The following BMPER variants were observed in gnomAD, a reference collection of about 807,000 sequenced individuals.
BMPER encodes BMP binding endothelial regulator.
In BMPER, 45 loss-of-function variants were observed where a neutral mutation model predicts 87.3. The ratio of observed to expected loss-of-function variants is 0.52; its 90% CI spans 0.41 to 0.66. BMPER has a LOEUF of 0.66. Ranked by LOEUF, BMPER falls within the 30% of genes least tolerant of loss-of-function variation. The pLI, the probability that BMPER is intolerant of heterozygous loss-of-function variation, is 0.00. For synonymous variants in BMPER, 326 were observed against 316.2 expected (o/e 1.03, Z -0.33); for missense variants, 784 against 867.5 (o/e 0.90, Z 1.21).
chr7:34,127,897 C>A (rs1790446573), intron 13 of BMPER, among the ~76,000 whole-genome samples: 1 of 152,180 alleles, frequency 6.6e-6, no homozygotes. Flanking sequence ...TTCTTTTCTC[C>A]ACGTCTTCCA....
At chr7:33,978,024 C>T (rs1283828519) in intron 6 of BMPER, among the ~76,000 whole-genome samples, 1 of 152,122 alleles carries the variant, frequency 6.6e-6, no homozygotes, top group Non-Finnish European at 1.5e-5. Flanking sequence ...GTCTGAACGT[C>T]CCCCAAAATT....
intron 11 of BMPER, among the ~76,000 whole-genome samples, chr7:34,072,645 C>A (rs571218002): frequency 6.6e-6 from 1 of 152,230 alleles, no homozygotes; most frequent in African/African-American, 2.4e-5. Context: ...TGATTAGCAA[C>A]CTTAATTCCA....
intron 6 of BMPER, among the ~76,000 whole-genome samples, chr7:33,976,684 G>A (rs780800424): frequency 1.1e-4 from 17 of 152,114 alleles, no homozygotes; most frequent in Non-Finnish European, 1.9e-4. Flanking sequence ...GGTGTGCCAA[G>A]GTCACGCAGC....
intron 1 of BMPER, among the ~76,000 whole-genome samples, chr7:33,906,029 A>G (rs567962392): frequency 6.6e-5 from 10 of 152,286 alleles, no homozygotes; most frequent in African/African-American, 2.4e-4. Context: ...CTCAACTTTT[A>G]TTTTAATCTT....
intron 14 of BMPER, among the ~76,000 whole-genome samples, chr7:34,144,834 G>C (rs1026107565): frequency 1.3e-5 from 2 of 152,174 alleles, no homozygotes; most frequent in Non-Finnish European, 2.9e-5. Context: ...TTTTCAGCAT[G>C]CTACCCTAGT....
intron 11 of BMPER, among the ~76,000 whole-genome samples, 192 bp downstream of exon 11, chr7:34,062,239 T>C (rs189994630): frequency 3.3e-4 from 50 of 152,308 alleles, no homozygotes; most frequent in Middle Eastern, 3.4e-3. Flanking sequence ...GAGACAAATA[T>C]AGATACTTCC....
chr7:34,033,527 T>C (rs1007458902), intron 6 of BMPER, among the ~76,000 whole-genome samples: 1 of 152,212 alleles, frequency 6.6e-6, no homozygotes, highest in Admixed American at 6.5e-5. Context: ...AGCTTTCACT[T>C]AATCTGCCTG....
intron 6 of BMPER, among the ~76,000 whole-genome samples, chr7:34,040,966 G>A (rs577108985): frequency 2.0e-5 from 3 of 152,272 alleles, no homozygotes; most frequent in African/African-American, 7.2e-5. Context: ...AAGCCATTTT[G>A]ATAAAAAGCA....
At chr7:34,123,794 A>G (rs967737532) in intron 13 of BMPER, among the ~76,000 whole-genome samples, 1 of 152,176 alleles carries the variant, frequency 6.6e-6, no homozygotes, top group Non-Finnish European at 1.5e-5. Context: ...ATTTGAAAGC[A>G]TCATTTTTTC....
intron 10 of BMPER, 79 bp from the exon 11 acceptor site, chr7:34,061,923 A>C: frequency 1.6e-6 from 2 of 1,223,150 alleles, no homozygotes; most frequent in South Asian, 2.7e-5. Context: ...TTAGATTTTA[A>C]AAAGATATTT....
At chr7:34,025,235 A>G (rs1033717040) in intron 6 of BMPER, among the ~76,000 whole-genome samples, 1 of 152,090 alleles carries the variant, frequency 6.6e-6, no homozygotes, top group Non-Finnish European at 1.5e-5. Flanking sequence ...ATGACTTATA[A>G]TATTTTAAAT....
chr7:33,988,722 G>A (rs1445542467), intron 6 of BMPER, among the ~76,000 whole-genome samples: 5 of 150,444 alleles, frequency 3.3e-5, no homozygotes, highest in South Asian at 4.3e-4. Flanking sequence ...CCACTAACTC[G>A]TCATCTAGCA....
At chr7:34,033,872 G>A (rs1404609756) in intron 6 of BMPER, among the ~76,000 whole-genome samples, 1 of 152,152 alleles carries the variant, frequency 6.6e-6, no homozygotes, top group Non-Finnish European at 1.5e-5. Flanking sequence ...TATCCTTCTA[G>A]TTATGGTCTT....
At chr7:33,939,993 C>T (rs890924138) in intron 3 of BMPER, 3 of 283,346 alleles carry the variant, frequency 1.1e-5, no homozygotes, top group African/African-American at 6.6e-5. Context: ...CCTGTTCACT[C>T]TTAAATACTG....
intron 6 of BMPER, chr7:34,042,540 C>T (rs1188262154): frequency 6.6e-6 from 1 of 152,090 alleles, no homozygotes; most frequent in Non-Finnish European, 1.5e-5. Flanking sequence ...ACAAACAGTA[C>T]CTAAAATGTG....
At chr7:34,086,132 C>T in intron 13 of BMPER, 40 bp downstream of exon 13, 5 of 1,591,040 alleles carry the variant, frequency 3.1e-6, no homozygotes, top group Non-Finnish European at 4.3e-6. Context: ...GGGTTGCAGA[C>T]CAATAATAGA....
chr7:34,150,310 G>T (rs932979984), intron 14 of BMPER, among the ~76,000 whole-genome samples: 4 of 152,160 alleles, frequency 2.6e-5, no homozygotes, highest in African/African-American at 9.7e-5. Flanking sequence ...AATCTTGGCC[G>T]CTCATTAGAA....
At position 34,156,072 on chromosome 7, in the gene BMPER, CTG is replaced by C. The variant is rs1323413049; in HGVS notation, c.*2802_*2803del. Reference sequence around the variant, plus strand: ...TCGACAAGAGCAATTTTTGTTAAAACTGTGGTACACTAAGAATCACTAACTCT... The same window carrying C: ...TCGACAAGAGCAATTTTTGTTAAAACTGGTACACTAAGAATCACTAACTCT... On this transcript the variant is annotated 3_prime_UTR_variant, in exon 15 of 15. Transcript: ENST00000649409. Among the ~76,000 whole-genome samples the C allele has an allele frequency of 6.6e-6, 1 of 152,164 alleles. No homozygotes were observed. Among genetic ancestry groups the C allele is most frequent in the Non-Finnish European group, 1.5e-5 (1 of 68,024 alleles).
At chr7:33,962,244 A>C (rs1186835356) in intron 3 of BMPER, among the ~76,000 whole-genome samples, 2 of 152,220 alleles carry the variant, frequency 1.3e-5, no homozygotes, top group East Asian at 3.9e-4. Flanking sequence ...TCAGTTGGCT[A>C]AGCCAAGCTT....
Sources: allele counts gnomAD v4.1 joint callset (sites outside exome capture counted in the v4.1 genomes callset), GRCh38; gene constraint gnomAD v4.1.1; transcripts MANE v1.5; gene names NCBI Gene and HGNC (gene_info 2026-07-23, HGNC 2026-07-21).